Variants in NDUFV2 observed in about 807,000 individuals in gnomAD.
The protein encoded by NDUFV2 is NADH:ubiquinone oxidoreductase core subunit V2.
Under a neutral mutation model 31.6 loss-of-function variants are expected in NDUFV2, and 18 were observed. The observed-to-expected ratio is 0.57, with a 90% CI of 0.39 to 0.84. NDUFV2 has a LOEUF of 0.84. Among genes scored for constraint, NDUFV2 ranks in the 40% least tolerant of loss-of-function variants. NDUFV2 has a pLI of 0.00. For synonymous variants in NDUFV2, 83 were observed against 99.8 expected (o/e 0.83, Z 1.01); for missense variants, 314 against 303.6 (o/e 1.03, Z -0.26).
At chr18:9,116,033 G>A (rs553785483) in intron 1 of NDUFV2, among the ~76,000 whole-genome samples, 1 of 152,296 alleles carries the variant, frequency 6.6e-6, no homozygotes, top group Admixed American at 6.5e-5. Context: ...GTTATTTTAA[G>A]TTGTATGTTT....
At chr18:9,121,711 C>T (rs919883306) in intron 4 of NDUFV2, among the ~76,000 whole-genome samples, 4 of 152,078 alleles carry the variant, frequency 2.6e-5, no homozygotes, top group Non-Finnish European at 5.9e-5. Context: ...AAGGACCAGC[C>T]CTGGCAAACA....
chr18:9,108,077 GAT>G (rs1192741936), intron 1 of NDUFV2, among the ~76,000 whole-genome samples: 1 of 152,166 alleles, frequency 6.6e-6, no homozygotes, highest in African/African-American at 2.4e-5. Context: ...TGGGATTTTA[GAT>G]ATCTAAAGAA....
intron 7 of NDUFV2, among the ~76,000 whole-genome samples, chr18:9,132,691 A>G (rs1004077861): frequency 1.1e-4 from 16 of 152,264 alleles, no homozygotes; most frequent in South Asian, 4.2e-4. Context: ...CCAGGGCAAC[A>G]TGGTGAGGTC....
Position 9,102,723 on chromosome 18 carries a change from A to G in NDUFV2, c.-21A>G. On this transcript the variant is annotated 5_prime_UTR_variant, in exon 1 of 8. Transcript: ENST00000318388. ...GATTCTCGCCTGGCGCGGCTGGGGAAGGTGAACAGTGTGGCCCGCCATGTT... is the reference window on the plus strand; with the variant it reads ...GATTCTCGCCTGGCGCGGCTGGGGAGGGTGAACAGTGTGGCCCGCCATGTT... 1 of 1,579,782 alleles carries G rather than the reference A, an allele frequency of 6.3e-7. No homozygotes were observed. The highest frequency in any genetic ancestry group is 8.6e-7 in the Non-Finnish European group (1 of 1,165,624).
intron 2 of NDUFV2, among the ~76,000 whole-genome samples, chr18:9,118,385 T>TA (rs2077909882): frequency 6.6e-6 from 1 of 152,164 alleles, no homozygotes; most frequent in African/African-American, 2.4e-5. Flanking sequence ...AAGGATAAGA[T>TA]ATTATATCTC....
chr18:9,111,667 G>T lies in NDUFV2; in HGVS notation c.55-6171G>T, dbSNP rs1160464583. On this transcript the variant is annotated intron_variant, in intron 1 of 7. Transcript: ENST00000318388. The stretch of plus-strand genomic sequence containing the variant: ...TGGTCTCGAACTCATGACCTCAGGT[G>T]ATCCGTCCGCCTCAGCCTCCTAAAG... Among the ~76,000 whole-genome samples the T allele has an allele frequency of 1.3e-5, 2 of 151,890 alleles. 1 individual carries two copies. Among genetic ancestry groups the T allele is most frequent in the East Asian group, 3.9e-4 (2 of 5,174 alleles).
chr18:9,132,339 A>G (rs576051790), intron 7 of NDUFV2: 54 of 152,354 alleles, frequency 3.5e-4, no homozygotes, highest in African/African-American at 7.5e-4. Flanking sequence ...TGGAAGATCC[A>G]TATCTATCCA....
intron 5 of NDUFV2, among the ~76,000 whole-genome samples, chr18:9,124,271 T>A (rs1469522241): frequency 2.7e-5 from 4 of 148,302 alleles, no homozygotes; most frequent in African/African-American, 7.6e-5. Flanking sequence ...CTGTAAAAAA[T>A]TTTTACTACT....
chr18:9,122,915 G>T (rs1419141665), intron 5 of NDUFV2, among the ~76,000 whole-genome samples: 13 of 152,118 alleles, frequency 8.5e-5, no homozygotes, highest in Non-Finnish European at 1.5e-5. Context: ...CAGTATGTTT[G>T]AAATGCTTGT....
intron 1 of NDUFV2, among the ~76,000 whole-genome samples, chr18:9,108,534 T>C (rs559617433): frequency 6.6e-6 from 1 of 152,166 alleles, no homozygotes; most frequent in African/African-American, 2.4e-5. Context: ...GAGGAATAAA[T>C]GGATTATAGT....
chr18:9,108,239 G>C (rs2077851468), intron 1 of NDUFV2, among the ~76,000 whole-genome samples: 1 of 152,102 alleles, frequency 6.6e-6, no homozygotes, highest in Non-Finnish European at 1.5e-5. Flanking sequence ...TTCTCTCATA[G>C]TATGGTAAAA....
intron 7 of NDUFV2, among the ~76,000 whole-genome samples, chr18:9,129,614 T>C (rs2078022792): frequency 6.6e-6 from 1 of 152,014 alleles, no homozygotes; most frequent in South Asian, 2.1e-4. Context: ...GGTGGTAACA[T>C]TTGAGCCATG....
At chr18:9,117,333 C>T in intron 1 of NDUFV2, 1 of 156,588 alleles carries the variant, frequency 6.4e-6, no homozygotes, top group Non-Finnish European at 1.4e-5. Flanking sequence ...CCACACCCGG[C>T]CAGAAACTAC....
At chr18:9,133,667 AGT>A (rs966487633) in intron 7 of NDUFV2, among the ~76,000 whole-genome samples, 20 of 152,236 alleles carry the variant, frequency 1.3e-4, no homozygotes, top group African/African-American at 4.8e-4. Flanking sequence ...ACAATGTATA[AGT>A]GTGTGTATTC....
chr18:9,117,997 T>G (rs1381820079), intron 2 of NDUFV2, 94 bp downstream of exon 2: 2 of 832,882 alleles, frequency 2.4e-6, no homozygotes, highest in African/African-American at 3.4e-5. Context: ...TACCATTGTC[T>G]TTGATATATG....
intron 1 of NDUFV2, among the ~76,000 whole-genome samples, chr18:9,108,044 A>G (rs1428010082): frequency 2.0e-5 from 3 of 152,162 alleles, no homozygotes; most frequent in Non-Finnish European, 4.4e-5. Flanking sequence ...CCTTAGAACA[A>G]TTGGTTGTTG....
rs1164693361 is a variant in NDUFV2 at position 9,117,862 on chromosome 18, A to G, written c.79A>G (p.Lys27Glu). 4 of 1,600,394 alleles carry G rather than the reference A, an allele frequency of 2.5e-6. No individual in the cohort carries two copies. In the South Asian group the frequency reaches 4.4e-5, roughly 18 times the overall value. Reference sequence around the variant, plus strand: ...GGGAAGACATGTAAGGAATTTGCATAAGACAGTTATGCAAAATGGAGCTGG... The same window carrying G: ...GGGAAGACATGTAAGGAATTTGCATGAGACAGTTATGCAAAATGGAGCTGG... ...HWGRHVRNLH[K>E]TVMQNGAGGA... Residue 27 changes from lysine (K) to glutamate (E), a missense_variant, in exon 2 of 8, where the codon AAG becomes GAG. By Grantham distance (56) the Lys-to-Glu change is moderately conservative. Coordinates refer to ENST00000318388, the MANE Select transcript of NDUFV2 (RefSeq NM_021074.5).
chr18:9,109,899 T>C (rs1251123991), intron 1 of NDUFV2, among the ~76,000 whole-genome samples: 1 of 151,750 alleles, frequency 6.6e-6, no homozygotes, highest in Non-Finnish European at 1.5e-5. Context: ...TCTGAAACAC[T>C]GAAAAAAAAA....
chr18:9,127,133 A>G (rs1475754271), intron 7 of NDUFV2, among the ~76,000 whole-genome samples: 3 of 152,200 alleles, frequency 2.0e-5, no homozygotes, highest in African/African-American at 7.2e-5. Flanking sequence ...ATTTTACTAC[A>G]AATAGAAATC....
Sources: allele counts gnomAD v4.1 joint callset (sites outside exome capture counted in the v4.1 genomes callset), GRCh38; gene constraint gnomAD v4.1.1; transcripts MANE v1.5; gene names NCBI Gene and HGNC (gene_info 2026-07-23, HGNC 2026-07-21).